The following PLEC variants were observed in gnomAD, a reference collection of about 807,000 sequenced individuals.
The protein encoded by PLEC is plectin, also known as hemidesmosomal protein 1.
Under a neutral mutation model 392.8 loss-of-function variants are expected in PLEC, and 216 were observed. The ratio of observed to expected loss-of-function variants is 0.55; its 90% CI spans 0.49 to 0.62. The LOEUF (loss-of-function observed/expected upper bound fraction) is 0.62. PLEC is among the 20% of genes least tolerant of loss of function. PLEC has a pLI of 0.00. For synonymous variants in PLEC, 3,621 were observed against 2,980.6 expected, an observed-to-expected ratio of 1.21 and a Z score of -7.00; for missense variants, 6,863 against 6,563.4, an observed-to-expected ratio of 1.05 and a Z score of -1.58.
chr8:143,942,113 CA>C (rs1344827670), upstream of PLEC, among the ~76,000 whole-genome samples: 4 of 152,120 alleles, frequency 2.6e-5, no homozygotes, highest in Non-Finnish European at 5.9e-5. Context: ...AAACCCAGGC[CA>C]AAGCCCAGGC....
rs782549163 is a variant in PLEC, at chr8:143,934,935, G to A, written c.826-6C>T. The A allele has an allele frequency of 2.5e-6, 4 of 1,610,746 alleles. No individual in the cohort carries two copies. The African/African-American group carries it at 5.3e-5, about 21-fold the overall frequency. ...TGCCAGCGCAGCTGCAGCTCCTGCG[G>A]GCAGGCACGGGCGGCTGTCAGGGGT... On this transcript the variant is annotated splice_polypyrimidine_tract_variant and splice_region_variant and intron_variant, in intron 8 of 31. Coordinates refer to ENST00000345136, the MANE Select transcript of PLEC (RefSeq NM_201384.3).
upstream of PLEC, among the ~76,000 whole-genome samples, chr8:143,952,998 C>A (rs536932673): frequency 6.5e-5 from 9 of 139,056 alleles, no homozygotes; most frequent in Non-Finnish European, 1.1e-4. Context: ...GCCACCCCCC[C>A]CCGCCTCGCA....
chr8:143,939,929 G>A (rs1435853679), upstream of PLEC, among the ~76,000 whole-genome samples: 1 of 152,168 alleles, frequency 6.6e-6, no homozygotes, highest in Non-Finnish European at 1.5e-5. Context: ...GGGCTCCCCC[G>A]ACGGGAGGGG....
Position 143,917,040 on chromosome 8 carries a change from C to T in PLEC, c.12781G>A (p.Ala4261Thr), listed in dbSNP as rs200924154. 270 of 1,610,452 alleles carry T rather than the reference C, an allele frequency of 1.7e-4. 1 individual carries two copies. In the East Asian group the frequency reaches 2.3e-3, roughly 13 times the overall value. The change falls in exon 32 of 32, where the codon GCC becomes ACC. Residue 4261 changes from alanine to threonine, a missense_variant. Physicochemically the swap from Ala to Thr is moderately conservative, Grantham distance 58. Transcript: ENST00000345136. The stretch of plus-strand genomic sequence containing the variant: ...GAGGCCAGCTGGGTCCTGGAGACGG[C>T]GGGGCTGATGGGGTAGGAGGAGGAG... The part of the protein sequence containing the change: ...GSSSSYPISP[A>T]VSRTQLASWS...
At chr8:143,967,165 T>C (rs11787365) in intron 1 of PLEC, among the ~76,000 whole-genome samples, 68,451 of 151,216 alleles carry the variant, frequency 0.45, 16,734 homozygotes, top group African/African-American at 0.64. Context: ...AGATCGAGAC[T>C]GTCCTGGCTA....
At chr8:143,943,928 G>C, upstream of PLEC, 2 of 1,600,904 alleles carry the variant, frequency 1.2e-6, no homozygotes, top group Non-Finnish European at 1.7e-6. Context: ...CCCTTCCTGC[G>C]CTGGGAACCG....
intron 1 of PLEC, among the ~76,000 whole-genome samples, chr8:143,949,363 A>G (rs1354154572): frequency 2.6e-5 from 4 of 152,154 alleles, no homozygotes; most frequent in African/African-American, 9.7e-5. Context: ...AGTGCTCCAC[A>G]GTGTGTGTGT....
At chr8:143,952,208 A>ACACACACACACACACACG (rs1167020542), upstream of PLEC, among the ~76,000 whole-genome samples, 2 of 130,888 alleles carry the variant, frequency 1.5e-5, no homozygotes, top group Non-Finnish European at 3.1e-5. Context: ...ACACACACAC[A>ACACACACACACACACACG]CGCGCGCACA....
upstream of PLEC, chr8:143,942,518 C>G: frequency 6.4e-7 from 1 of 1,564,176 alleles, no homozygotes; most frequent in Non-Finnish European, 8.6e-7. Flanking sequence ...CCCGACATGC[C>G]GGCCACGGCC....
chr8:143,928,456 TG>T (rs1826013413), intron 25 of PLEC, among the ~76,000 whole-genome samples: 1 of 150,834 alleles, frequency 6.6e-6, no homozygotes, highest in African/African-American at 2.4e-5. Context: ...ACCTGTGGTT[TG>T]CAACACAGGA....
At position 143,917,260 on chromosome 8, in the gene PLEC, G is replaced by A. The variant is rs11998271; in HGVS notation, c.12561C>T (p.Asp4187=). ...CGATGATCATGGACTTGACCACGCC[G>A]TCCGAGGAGGAGATGGTGATCTCCT... ...EWEEITISSS[D]GVVKSMIIDR... The change falls in exon 32 of 32, where the codon GAC becomes GAT. Residue 4187 remains aspartate (D), a synonymous_variant. Transcript: ENST00000345136. The A allele has an allele frequency of 0.015, 24,184 of 1,611,204 alleles. 3,083 individuals carry two copies. The African/African-American group carries it at 0.28, about 19-fold the overall frequency.
In PLEC at chr8:143,944,909, C is replaced by A. The variant is rs73377226; in HGVS notation, c.523+5275G>T. ...AGACTTGGAACATGACGCACGGCGC[C>A]AGGGCACCCAGGCCCCGCTGCAGTC... is the stretch of plus-strand genomic sequence containing the variant. On this transcript the variant is annotated intron_variant, in intron 1 of 31. Coordinates refer to the PLEC transcript ENST00000322810. 0.079 allele frequency among the ~76,000 whole-genome samples: 12,071 copies of A among 152,234 alleles called. 1,605 individuals carry two copies. The highest frequency in any genetic ancestry group is 0.27 in the African/African-American group (11,408 of 41,514).
At position 143,925,461 on chromosome 8, in the gene PLEC, G is replaced by A. The variant is rs1554702689; in HGVS notation, c.4468C>T (p.Arg1490Ter). Residue 1490 changes from arginine (R) to a stop codon, truncating the protein, a stop_gained, in exon 31 of 32, where the codon CGA (arginine) becomes TGA (stop). Coordinates refer to ENST00000345136, the MANE Select transcript of PLEC (RefSeq NM_201384.3). LOFTEE classifies it high-confidence loss of function. ...CGCTCGGCCTCCTCCTGCGCCTGTC[G>A]CTTTTGTGCCTCAGCCTCCTCCGCC... ...ARAEEAEAQK[R>*]QAQEEAERLR... 3.8e-6 allele frequency: 6 copies of A among 1,595,988 alleles called. No homozygotes were observed. The highest frequency in any genetic ancestry group is 4.2e-6 in the Non-Finnish European group (5 of 1,177,972).
upstream of PLEC, among the ~76,000 whole-genome samples, chr8:143,941,016 G>A (rs1404398986): frequency 6.6e-6 from 1 of 152,200 alleles, no homozygotes; most frequent in African/African-American, 2.4e-5. Flanking sequence ...ATCTGACCCC[G>A]CACTGGTCAG....
intron 24 of PLEC, 49 bp downstream of exon 24, chr8:143,929,365 G>A (rs1564097027): frequency 3.2e-6 from 5 of 1,568,868 alleles, no homozygotes; most frequent in African/African-American, 2.7e-5. Context: ...GAGGGTGGGA[G>A]GAGGGATGGG....
At chr8:143,946,088 G>A (rs1224955459) in intron 1 of PLEC, among the ~76,000 whole-genome samples, 1 of 152,272 alleles carries the variant, frequency 6.6e-6, no homozygotes, top group Non-Finnish European at 1.5e-5. Context: ...TGGCCTGGGT[G>A]AGAACCAGCT....
chr8:143,966,650 T>TG (rs1266910506), intron 1 of PLEC, among the ~76,000 whole-genome samples: 6 of 151,984 alleles, frequency 3.9e-5, no homozygotes, highest in East Asian at 3.9e-4. Flanking sequence ...GGGGCTCGGC[T>TG]GGGGGGGTAC....
Position 143,919,899 on chromosome 8 carries a change from G to A in PLEC, c.9922C>T (p.Leu3308Phe), listed in dbSNP as rs923031224. 2.5e-6 allele frequency: 4 copies of A among 1,613,134 alleles called. No individual in the cohort carries two copies. The highest frequency in any genetic ancestry group is 3.4e-6 in the Non-Finnish European group (4 of 1,180,010). ...LRQERLSFSGLRAPVPASELL... is the reference protein window; with the variant it reads ...LRQERLSFSGFRAPVPASELL... ...TCGCTGGCTGGCACAGGGGCACGGAGGCCGCTGAAGGACAGCCTCTCCTGC... is the reference window on the plus strand; with the variant it reads ...TCGCTGGCTGGCACAGGGGCACGGAAGCCGCTGAAGGACAGCCTCTCCTGC... Residue 3308 changes from leucine to phenylalanine, a missense_variant, in exon 32 of 32, where the codon CTC (leucine) becomes TTC (phenylalanine). By Grantham distance (22) the Leu-to-Phe change is conservative. Coordinates refer to ENST00000345136, the MANE Select transcript of PLEC (RefSeq NM_201384.3).
intron 12 of PLEC, 107 bp downstream of exon 12, chr8:143,933,891 T>TGCCCCA: frequency 1.1e-6 from 1 of 938,364 alleles, no homozygotes; most frequent in Admixed American, 2.0e-5. Flanking sequence ...CCCCTGCCCC[T>TGCCCCA]GCCCCAGGAG....
Sources: gnomAD v4.1 joint callset for allele counts (sites outside exome capture counted in the v4.1 genomes callset) on GRCh38, gnomAD v4.1.1 for gene constraint, MANE v1.5 for transcripts, NCBI Gene and HGNC (gene_info 2026-07-23, HGNC 2026-07-21) for gene names.